CEP162: variants seen among roughly 807,000 people sequenced by gnomAD.
CEP162 encodes centrosomal protein of 162 kDa.
Under a neutral mutation model 169.2 loss-of-function variants are expected in CEP162, and 141 were observed. That is an observed-to-expected ratio of 0.83 (90% CI 0.73 to 0.96). The LOEUF is 0.96. CEP162 is among the 40% of genes least tolerant of loss of function. CEP162 has a pLI of 0.00. For synonymous variants in CEP162, 540 were observed against 526.4 expected, an observed-to-expected ratio of 1.03 and a Z score of -0.35; for missense variants, 1,600 against 1,587.2, an observed-to-expected ratio of 1.01 and a Z score of -0.14.
intron 11 of CEP162, among the ~76,000 whole-genome samples, chr6:84,188,135 C>T (rs946888408): frequency 1.1e-4 from 16 of 149,910 alleles, no homozygotes; most frequent in Admixed American, 4.0e-4. Flanking sequence ...GTCATCTTCA[C>T]ATTTAAGTAT....
At chr6:84,218,535 G>GT (rs2099552437) in intron 3 of CEP162, among the ~76,000 whole-genome samples, 1 of 152,074 alleles carries the variant, frequency 6.6e-6, no homozygotes, top group South Asian at 2.1e-4. Flanking sequence ...TTTTATTTTT[G>GT]TTTTTTGCTT....
rs1377602913 is a variant in CEP162 at position 84,155,407 on chromosome 6, A to C, written c.2885T>G (p.Val962Gly). ...AAGDTVDKNT[V>G]EFMEKRIKKL... ...TTTTATCCTTTTCTCCATAAATTCC[A>C]CTGTATTTTTATCCACTGTATCACC... Residue 962 changes from valine (V) to glycine (G), a missense_variant, in exon 22 of 27, where the codon GTG (valine) becomes GGG (glycine). Val to Gly is a moderately radical substitution (Grantham distance 109, BLOSUM62 -3). Coordinates refer to ENST00000403245, the MANE Select transcript of CEP162 (RefSeq NM_014895.4). 1.2e-6 allele frequency: 2 copies of C among 1,613,408 alleles called. No homozygotes were observed. The highest frequency in any genetic ancestry group is 2.2e-5 in the East Asian group (1 of 44,836).
chr6:84,225,031 T>G (rs2099555157), intron 2 of CEP162, among the ~76,000 whole-genome samples: 1 of 152,206 alleles, frequency 6.6e-6, no homozygotes, highest in African/African-American at 2.4e-5. Context: ...TATTTTTCCA[T>G]GAGACGGATA....
At chr6:84,204,735 G>A (rs2099546028) in intron 6 of CEP162, among the ~76,000 whole-genome samples, 1 of 152,162 alleles carries the variant, frequency 6.6e-6, no homozygotes, top group Non-Finnish European at 1.5e-5. Context: ...GATCAGAGCA[G>A]AATTGAAGGA....
At chr6:84,205,784 C>G (rs1329402873) in intron 6 of CEP162, among the ~76,000 whole-genome samples, 1 of 151,674 alleles carries the variant, frequency 6.6e-6, no homozygotes, top group Non-Finnish European at 1.5e-5. Flanking sequence ...CAAATTGTCC[C>G]TGTTTGCAGA....
At chr6:84,220,774 T>G (rs1280659460) in intron 3 of CEP162, among the ~76,000 whole-genome samples, 2 of 152,188 alleles carry the variant, frequency 1.3e-5, no homozygotes, top group East Asian at 3.8e-4. Flanking sequence ...TAAATCAATT[T>G]ATCATTAAAC....
intron 18 of CEP162, among the ~76,000 whole-genome samples, chr6:84,164,397 C>G (rs1244333952): frequency 6.6e-6 from 1 of 152,178 alleles, no homozygotes; most frequent in Non-Finnish European, 1.5e-5. Context: ...GACACATGCA[C>G]ACATATGTTT....
intron 21 of CEP162, among the ~76,000 whole-genome samples, chr6:84,156,684 A>G (rs1325195971): frequency 6.6e-6 from 1 of 151,858 alleles, no homozygotes. Flanking sequence ...TAAAAAGAGA[A>G]CCACTTGATC....
intron 9 of CEP162, among the ~76,000 whole-genome samples, chr6:84,198,532 G>A (rs539325210): frequency 4.6e-5 from 7 of 152,114 alleles, no homozygotes; most frequent in African/African-American, 9.6e-5. Flanking sequence ...TGCCCGCTCC[G>A]GCCTCCTAAA....
Position 84,155,352 on chromosome 6 carries a change from A to C in CEP162, c.2940T>G (p.Asp980Glu), listed in dbSNP as rs1217359005. 6 of 1,613,648 alleles carry C rather than the reference A, an allele frequency of 3.7e-6. No homozygotes were observed. The East Asian group carries it at 1.3e-4, about 36-fold the overall frequency. ...KKLEADLEGK[D>E]EDAKKSLRTM... is the part of the protein sequence containing the mutation. The stretch of plus-strand genomic sequence containing the variant: ...TACGAAGGCTTTTCTTTGCATCTTC[A>C]TCTTTGCCCTCCAGATCAGCTTCTA... The change falls in exon 22 of 27, where the codon GAT becomes GAG. Residue 980 changes from aspartate (D) to glutamate (E), a missense_variant. Coordinates refer to ENST00000403245, the MANE Select transcript of CEP162 (RefSeq NM_014895.4).
chr6:84,151,429 A>G (rs2129201440), intron 23 of CEP162, among the ~76,000 whole-genome samples: 1 of 152,142 alleles, frequency 6.6e-6, no homozygotes, highest in East Asian at 1.9e-4. Context: ...TAGACAGGGA[A>G]GGGGAGCTTG....
At chr6:84,208,914 G>A (rs1256579566) in intron 6 of CEP162, among the ~76,000 whole-genome samples, 2 of 152,218 alleles carry the variant, frequency 1.3e-5, no homozygotes, top group South Asian at 2.1e-4. Context: ...GGGAACCACC[G>A]AATTTTAAGT....
intron 25 of CEP162, among the ~76,000 whole-genome samples, chr6:84,144,390 A>G (rs188595419): frequency 6.6e-6 from 1 of 152,198 alleles, no homozygotes; most frequent in East Asian, 1.9e-4. Flanking sequence ...TTAATGTTGT[A>G]TTGTCACAAA....
chr6:84,159,642 C>A (rs2497153), intron 21 of CEP162, among the ~76,000 whole-genome samples: 1 of 134,182 alleles, frequency 7.5e-6, no homozygotes, highest in African/African-American at 2.7e-5. Context: ...TTGGCTCATT[C>A]CAACTTCTAC....
rs149384587 is a variant in CEP162 at position 84,219,192 on chromosome 6, G to A, written c.172+1865C>T. 1,569 of 1,281,860 alleles carry A rather than the reference G, an allele frequency of 1.2e-3. 16 individuals are homozygous for A. The African/African-American group carries it at 0.022, about 18-fold the overall frequency. 79.4% of individuals were successfully genotyped at this position (1,281,860 alleles called of 1,614,324 possible). A position where few individuals can be genotyped will look rare whatever the true frequency, so the allele number is the denominator to read the frequency against. The stretch of plus-strand genomic sequence containing the variant: ...TCTACACTCTTGATACAGGAATCAC[G>A]TCTTGCCTTTTCATAATAATGCCTA... On this transcript the variant is annotated intron_variant, in intron 3 of 26. Transcript: ENST00000403245.
chr6:84,178,005 T>G (rs1381131258), intron 13 of CEP162, among the ~76,000 whole-genome samples: 1 of 152,230 alleles, frequency 6.6e-6, no homozygotes, highest in Non-Finnish European at 1.5e-5. Flanking sequence ...GCTGTCCAAA[T>G]AAGGGAGCAT....
chr6:84,177,633 T>G (rs2099532937), intron 13 of CEP162, among the ~76,000 whole-genome samples: 1 of 152,178 alleles, frequency 6.6e-6, no homozygotes, highest in African/African-American at 2.4e-5. Context: ...CCTCCCAGAC[T>G]CAAGCAATTC....
Position 84,186,531 on chromosome 6 carries a change from T to C in CEP162, c.1202A>G (p.His401Arg), listed in dbSNP as rs750613357. ...ATTTTTGTCAAAAAAAAGGTTCACATGTTGTGAGTCTTGAGACAAAATATT... is the reference window on the plus strand; with the variant it reads ...ATTTTTGTCAAAAAAAAGGTTCACACGTTGTGAGTCTTGAGACAAAATATT... ...NPNILSQDSQ[H>R]VNLFFDKNDE... The change falls in exon 12 of 27, where the codon CAT becomes CGT. Residue 401 changes from histidine (H) to arginine (R), a missense_variant. Transcript: ENST00000403245. 3.7e-6 allele frequency: 6 copies of C among 1,612,910 alleles called. No homozygotes were observed. In the Admixed American group the frequency reaches 1.0e-4, roughly 27 times the overall value.
chr6:84,177,740 T>C (rs1335983743), intron 13 of CEP162, among the ~76,000 whole-genome samples: 2 of 152,186 alleles, frequency 1.3e-5, no homozygotes, highest in Non-Finnish European at 2.9e-5. Context: ...TTTTACCATG[T>C]TGGCCAGGCT....
Sources: gnomAD v4.1 joint callset for allele counts (sites outside exome capture counted in the v4.1 genomes callset) on GRCh38, gnomAD v4.1.1 for gene constraint, MANE v1.5 for transcripts, NCBI Gene and HGNC (gene_info 2026-07-23, HGNC 2026-07-21) for gene names.